Variants in SFXN4 observed in about 807,000 individuals in gnomAD.
The protein encoded by SFXN4 is sideroflexin 4, also known as sideroflexin-4.
SFXN4 carries 48 observed loss-of-function variants against 54.6 expected under a neutral mutation model. The ratio of observed to expected loss-of-function variants is 0.88; its 90% CI spans 0.70 to 1.12. The LOEUF is 1.12. Among genes scored for constraint, SFXN4 ranks in the 50% most tolerant of loss-of-function variants. The probability of loss-of-function intolerance (pLI) is 0.00; values close to 1 mark genes in which losing one functional copy is unlikely to be tolerated. For missense variants in SFXN4, 383 were observed against 409.2 expected (o/e 0.94, Z 0.55); for synonymous variants, 130 against 145.5 (o/e 0.89, Z 0.77).
At chr10:119,161,943 C>A (rs1847567236) in intron 3 of SFXN4, among the ~76,000 whole-genome samples, 1 of 152,240 alleles carries the variant, frequency 6.6e-6, no homozygotes, top group Non-Finnish European at 1.5e-5. Flanking sequence ...AAGGAACAGT[C>A]CGTTTGAGCC....
chr10:119,162,305 G>T, intron 3 of SFXN4, 35 bp downstream of exon 3: 1 of 1,590,220 alleles, frequency 6.3e-7, no homozygotes, highest in Non-Finnish European at 8.6e-7. Context: ...AACCATCTGA[G>T]GGCAACCAGC....
intron 6 of SFXN4, among the ~76,000 whole-genome samples, chr10:119,158,615 CAAAAAA>C (rs35982987): frequency 3.0e-5 from 2 of 65,704 alleles, no homozygotes; most frequent in Admixed American, 3.8e-4. Flanking sequence ...GACTCCGTCT[CAAAAAA>C]AAAAAAAAAA....
At chr10:119,157,586 A>G in intron 9 of SFXN4, 82 bp downstream of exon 9, 8 of 1,124,030 alleles carry the variant, frequency 7.1e-6, no homozygotes, top group Non-Finnish European at 1.0e-5. Context: ...TTAAATTGGA[A>G]CATAAATTTG....
chr10:119,157,849 C>T (rs2133610715), intron 8 of SFXN4, 22 bp downstream of exon 8: 1 of 1,613,764 alleles, frequency 6.2e-7, no homozygotes. Context: ...ACCCCACACT[C>T]TCTGGGTCTC....
At position 119,164,154 on chromosome 10, in the gene SFXN4, G is replaced by C. The variant is rs148315682; in HGVS notation, c.154C>G (p.Pro52Ala). Residue 52 changes from proline to alanine, a missense_variant, in exon 2 of 14, where the codon CCT becomes GCT. By Grantham distance (27) the Pro-to-Ala change is conservative (BLOSUM62 -1). Transcript: ENST00000355697. ...ACAACTGAAATGAACACATTTGTAG[G>C]ATCTAATAATTCTGTCCATTGAAGA... ...RFLQWTELLD[P>A]TNVFISVESI... 2.1e-4 allele frequency: 330 copies of C among 1,591,834 alleles called. No individual in the cohort carries two copies. The highest frequency in any genetic ancestry group is 2.7e-4 in the Non-Finnish European group (310 of 1,167,756).
At chr10:119,160,283 G>T (rs544466545) in intron 5 of SFXN4, among the ~76,000 whole-genome samples, 4 of 151,852 alleles carry the variant, frequency 2.6e-5, no homozygotes, top group Admixed American at 2.6e-4. Context: ...CCAAGTGGGC[G>T]GATCAGAAGG....
chr10:119,146,762 T>A (rs1162251555), intron 12 of SFXN4, among the ~76,000 whole-genome samples: 1 of 151,920 alleles, frequency 6.6e-6, no homozygotes, highest in Non-Finnish European at 1.5e-5. Context: ...AGAGACGGGG[T>A]TCACCATGTT....
At chr10:119,146,458 TGTGC>T in intron 12 of SFXN4, 105 bp from the exon 13 acceptor site, 1 of 528,996 alleles carries the variant, frequency 1.9e-6, no homozygotes, top group Non-Finnish European at 3.3e-6. Context: ...TGTGTGTGTG[TGTGC>T]ACGTGTGTGT....
intron 13 of SFXN4, among the ~76,000 whole-genome samples, chr10:119,145,981 C>G (rs1008109880): frequency 6.6e-6 from 1 of 152,074 alleles, no homozygotes; most frequent in Non-Finnish European, 1.5e-5. Context: ...CATCATCACA[C>G]CCAGCTAATT....
chr10:119,157,671 T>G lies in SFXN4; in HGVS notation c.534A>C (p.Leu178Phe), dbSNP rs772448482. The G allele has an allele frequency of 6.2e-7, 1 of 1,601,266 alleles. No homozygotes were observed. Among genetic ancestry groups the G allele is most frequent in the Admixed American group, 1.7e-5 (1 of 57,264 alleles). Residue 178 changes from leucine to phenylalanine, a missense_variant, in exon 9 of 14, where the codon TTA becomes TTC. Leu to Phe is a conservative substitution (Grantham distance 22). Coordinates refer to ENST00000355697, the MANE Select transcript of SFXN4 (RefSeq NM_213649.2). ...GACAGATTCTAAAAATACCTACTCCTAAGAAAGTTGAAGAAGCAACGGCTC... is the reference window on the plus strand; with the variant it reads ...GACAGATTCTAAAAATACCTACTCCGAAGAAAGTTGAAGAAGCAACGGCTC... Reference protein sequence around the residue: ...MAGAVASSTFLGVIPQFVQMK... With the variant: ...MAGAVASSTFFGVIPQFVQMK...
chr10:119,160,358 GA>G (rs992482071), intron 5 of SFXN4, among the ~76,000 whole-genome samples: 19 of 150,600 alleles, frequency 1.3e-4, no homozygotes, highest in African/African-American at 3.9e-4. Context: ...ATACACAAAG[GA>G]AAAAAATTAG....
At chr10:119,160,627 T>C (rs528951451) in intron 5 of SFXN4, among the ~76,000 whole-genome samples, 3 of 146,332 alleles carry the variant, frequency 2.1e-5, no homozygotes, top group East Asian at 2.0e-4. Context: ...TTCACTCTTG[T>C]TGCCCAGGCT....
chr10:119,164,258 T>A, intron 1 of SFXN4, 62 bp from the exon 2 acceptor site: 67 of 774,026 alleles, frequency 8.7e-5, no homozygotes, highest in Non-Finnish European at 1.3e-4. Context: ...ATATAAATAC[T>A]AACAGTTGGC....
At chr10:119,159,948 T>C (rs578102700) in intron 5 of SFXN4, among the ~76,000 whole-genome samples, 195 bp from the exon 6 acceptor site, 1 of 152,152 alleles carries the variant, frequency 6.6e-6, no homozygotes, top group Non-Finnish European at 1.5e-5. Flanking sequence ...AGGCTGAGGC[T>C]GGAGGATGGG....
At chr10:119,162,283 C>A in intron 3 of SFXN4, 57 bp downstream of exon 3, 1 of 1,390,196 alleles carries the variant, frequency 7.2e-7, no homozygotes, top group Non-Finnish European at 1.0e-6. Flanking sequence ...TGACTTCAGA[C>A]CATGCAGGCA....
intron 13 of SFXN4, among the ~76,000 whole-genome samples, chr10:119,143,086 G>A (rs997548653): frequency 8.6e-5 from 13 of 151,770 alleles, no homozygotes; most frequent in Admixed American, 8.6e-4. Context: ...GAGGTCACGC[G>A]TGAGACTGAC....
chr10:119,162,274 G>T, intron 3 of SFXN4, 66 bp downstream of exon 3: 4 of 1,302,240 alleles, frequency 3.1e-6, no homozygotes, highest in Non-Finnish European at 4.4e-6. Context: ...AATTCCACCT[G>T]ACTTCAGACC....
In SFXN4 at chr10:119,147,489, C is replaced by A. The variant is rs540967327; in HGVS notation, c.818+286G>T. 3.9e-5 allele frequency among the ~76,000 whole-genome samples: 6 copies of A among 152,310 alleles called. No homozygotes were observed. In the East Asian group the frequency reaches 1.2e-3, roughly 29 times the overall value. Reference sequence around the variant, plus strand: ...CAGGGGAACCTGCAAATCATCCAAGCCCCTCATTCTAGAGGTGAGGAAATG... The same window carrying A: ...CAGGGGAACCTGCAAATCATCCAAGACCCTCATTCTAGAGGTGAGGAAATG... On this transcript the variant is annotated intron_variant, in intron 12 of 13. Transcript: ENST00000355697.
chr10:119,163,075 G>T (rs1325278625), intron 2 of SFXN4, among the ~76,000 whole-genome samples: 2 of 152,088 alleles, frequency 1.3e-5, no homozygotes, highest in Non-Finnish European at 2.9e-5. Context: ...TGGGATTATA[G>T]ACATGAGCCA....
Sources: gnomAD v4.1 joint callset for allele counts (sites outside exome capture counted in the v4.1 genomes callset) on GRCh38, gnomAD v4.1.1 for gene constraint, MANE v1.5 for transcripts, NCBI Gene and HGNC (gene_info 2026-07-23, HGNC 2026-07-21) for gene names.